The following GRID1 variants were observed in gnomAD, a reference collection of about 807,000 sequenced individuals.
GRID1 encodes the protein glutamate ionotropic receptor delta type subunit 1.
Under a neutral mutation model 98.0 loss-of-function variants are expected in GRID1, and 28 were observed. The ratio of observed to expected loss-of-function variants is 0.29; its 90% confidence interval spans 0.21 to 0.39. The LOEUF (loss-of-function observed/expected upper bound fraction) is 0.39, where lower values mean the gene tolerates loss of function less well. GRID1 is among the 10% of genes least tolerant of loss of function. The pLI, the probability that GRID1 is intolerant of heterozygous loss-of-function variation, is 1.00. For missense variants in GRID1, 1,111 were observed against 1,340.5 expected (o/e 0.83, Z 2.67); for synonymous variants, 553 against 538.5 (o/e 1.03, Z -0.37).
chr10:86,245,028 C>T (rs1240926545), intron 2 of GRID1, among the ~76,000 whole-genome samples: 1 of 152,224 alleles, frequency 6.6e-6, no homozygotes, highest in Non-Finnish European at 1.5e-5. Context: ...GGTAATTAGA[C>T]CCCTGTCGCA....
chr10:85,992,623 G>A (rs1325755864), intron 4 of GRID1, among the ~76,000 whole-genome samples: 10 of 149,972 alleles, frequency 6.7e-5, no homozygotes, highest in Non-Finnish European at 3.0e-5. Flanking sequence ...GGTGGGGGGG[G>A]AACAAATGGT....
chr10:85,732,988 A>C (rs1395586698), intron 8 of GRID1, among the ~76,000 whole-genome samples: 1 of 151,638 alleles, frequency 6.6e-6, no homozygotes, highest in Non-Finnish European at 1.5e-5. Context: ...GGTCTGGTAA[A>C]CTCTTACTTG....
At chr10:85,681,650 T>C (rs1201109864) in intron 12 of GRID1, among the ~76,000 whole-genome samples, 1 of 152,094 alleles carries the variant, frequency 6.6e-6, no homozygotes, top group African/African-American at 2.4e-5. Flanking sequence ...GCCCAGCCCC[T>C]TTCTGCCACC....
chr10:86,005,855 TTAAA>T (rs1842854611), intron 4 of GRID1, among the ~76,000 whole-genome samples: 1 of 152,184 alleles, frequency 6.6e-6, no homozygotes, highest in South Asian at 2.1e-4. Context: ...TCTGAAACAC[TTAAA>T]TAAATGAAGA....
chr10:86,131,502 G>C (rs894521357), intron 4 of GRID1, among the ~76,000 whole-genome samples: 2 of 152,128 alleles, frequency 1.3e-5, no homozygotes, highest in Non-Finnish European at 2.9e-5. Context: ...AGGCCACCAG[G>C]TGTCTTCAGG....
chr10:85,878,961 G>A (rs1840956224), intron 5 of GRID1, among the ~76,000 whole-genome samples: 1 of 151,600 alleles, frequency 6.6e-6, no homozygotes. Context: ...AAAAGGCAGG[G>A]GTTGCAATCC....
rs73334778 is a variant in GRID1, at chr10:85,843,492, G to A, written c.1233+11004C>T. 5.7e-3 allele frequency among the ~76,000 whole-genome samples: 870 copies of A among 151,890 alleles called. 8 individuals are homozygous for A. Among genetic ancestry groups the A allele is most frequent in the African/African-American group, 0.02 (819 of 41,454 alleles). ...TTGCAAAAAATCCTCAACAGAAAAG[G>A]AAAAGCCAAATACAAATTGCAATAA... On this transcript the variant is annotated intron_variant, in intron 8 of 15. Transcript: ENST00000327946.
intron 13 of GRID1, among the ~76,000 whole-genome samples, chr10:85,632,549 C>G (rs1316972568): frequency 6.6e-6 from 1 of 152,048 alleles, no homozygotes; most frequent in Non-Finnish European, 1.5e-5. Flanking sequence ...GAGAACTACA[C>G]TGTTAACATA....
At chr10:85,934,413 G>GAC (rs5786728) in intron 4 of GRID1, among the ~76,000 whole-genome samples, 5,823 of 141,418 alleles carry the variant, frequency 0.041, 135 homozygotes, top group East Asian at 0.071. Flanking sequence ...GCAGAGATTG[G>GAC]ACACACACAC....
chr10:85,615,008 G>A (rs1842772335), intron 14 of GRID1, among the ~76,000 whole-genome samples: 1 of 152,200 alleles, frequency 6.6e-6, no homozygotes. Flanking sequence ...CTCTGGGTAT[G>A]TGTCGTTAGA....
intron 2 of GRID1, among the ~76,000 whole-genome samples, chr10:86,243,828 G>C (rs535158394): frequency 6.6e-6 from 1 of 152,272 alleles, no homozygotes; most frequent in East Asian, 1.9e-4. Flanking sequence ...CACAAGGCGG[G>C]CAGATGTCAC....
chr10:85,699,630 A>T (rs959912083), intron 12 of GRID1, among the ~76,000 whole-genome samples: 1 of 152,238 alleles, frequency 6.6e-6, no homozygotes. Flanking sequence ...ATACAAAATT[A>T]AAAATCAGAG....
chr10:86,263,674 T>C (rs1342066592), intron 2 of GRID1, among the ~76,000 whole-genome samples: 1 of 151,984 alleles, frequency 6.6e-6, no homozygotes, highest in East Asian at 1.9e-4. Flanking sequence ...CCCCCTCGGG[T>C]TGTGAGAATT....
chr10:86,338,369 A>G (rs1848258905), intron 2 of GRID1, among the ~76,000 whole-genome samples: 1 of 152,156 alleles, frequency 6.6e-6, no homozygotes, highest in Non-Finnish European at 1.5e-5. Flanking sequence ...GATGACGTGG[A>G]AGGAGCCTGT....
At chr10:85,615,406 T>C (rs1338021878) in intron 14 of GRID1, among the ~76,000 whole-genome samples, 1 of 152,244 alleles carries the variant, frequency 6.6e-6, no homozygotes, top group Non-Finnish European at 1.5e-5. Flanking sequence ...TGGGTTACTC[T>C]GTTTTCCCTG....
intron 2 of GRID1, among the ~76,000 whole-genome samples, chr10:86,331,168 G>A (rs1469656918): frequency 6.6e-6 from 1 of 152,248 alleles, no homozygotes; most frequent in African/African-American, 2.4e-5. Context: ...CCCACGGGAT[G>A]TGTTGCTAAT....
At chr10:85,911,401 G>A (rs1201516720) in intron 5 of GRID1, among the ~76,000 whole-genome samples, 4 of 152,148 alleles carry the variant, frequency 2.6e-5, no homozygotes, top group African/African-American at 7.2e-5. Context: ...CAAGGGCAAG[G>A]TTTGGAATGG....
chr10:86,162,716 G>A (rs895497405), intron 3 of GRID1, among the ~76,000 whole-genome samples: 5 of 152,224 alleles, frequency 3.3e-5, no homozygotes, highest in African/African-American at 9.6e-5. Context: ...GTTGGGTGGG[G>A]TTGTCCATGA....
intron 15 of GRID1, among the ~76,000 whole-genome samples, chr10:85,607,734 T>C (rs944525771): frequency 3.3e-5 from 5 of 151,964 alleles, no homozygotes; most frequent in Non-Finnish European, 7.4e-5. Flanking sequence ...GCTCAGGCAA[T>C]TCCACAGTAA....
Sources: allele counts gnomAD v4.1 joint callset (sites outside exome capture counted in the v4.1 genomes callset), GRCh38; gene constraint gnomAD v4.1.1; transcripts MANE v1.5; gene names NCBI Gene and HGNC (gene_info 2026-07-23, HGNC 2026-07-21).